DTNB: variants seen among roughly 807,000 people sequenced by gnomAD.
DTNB encodes the protein dystrobrevin beta.
Under a neutral mutation model 90.7 loss-of-function variants are expected in DTNB, and 63 were observed. The observed-to-expected ratio is 0.69, with a 90% confidence interval of 0.57 to 0.86. The LOEUF (loss-of-function observed/expected upper bound fraction) is 0.86. DTNB is among the 40% of genes least tolerant of loss of function. The pLI is 0.00. For missense variants in DTNB, 744 were observed against 807.1 expected, an observed-to-expected ratio of 0.92 and a Z score of 0.95; for synonymous variants, 277 against 286.7, an observed-to-expected ratio of 0.97 and a Z score of 0.34.
intron 16 of DTNB, among the ~76,000 whole-genome samples, chr2:25,413,962 G>A (rs1238242979): frequency 1.3e-5 from 2 of 152,088 alleles, no homozygotes; most frequent in African/African-American, 4.8e-5. Flanking sequence ...ACTTTTTAAT[G>A]ATCGCCATTC....
intron 16 of DTNB, among the ~76,000 whole-genome samples, chr2:25,407,964 G>A (rs553958492): frequency 2.6e-5 from 4 of 152,060 alleles, no homozygotes; most frequent in South Asian, 2.1e-4. Flanking sequence ...GACTGGGCAC[G>A]GTAGCAACAC....
At chr2:25,406,309 T>G (rs2045149762) in intron 16 of DTNB, among the ~76,000 whole-genome samples, 1 of 151,948 alleles carries the variant, frequency 6.6e-6, no homozygotes, top group Non-Finnish European at 1.5e-5. Context: ...GTGGGTAAAG[T>G]TAAGGATGCT....
intron 16 of DTNB, among the ~76,000 whole-genome samples, chr2:25,395,224 C>G (rs1019940501): frequency 2.8e-4 from 42 of 152,036 alleles, no homozygotes; most frequent in African/African-American, 1.0e-3. Context: ...TTTGGGGACT[C>G]GGGGAAAGGG....
At chr2:25,481,411 T>TAAAAA in intron 10 of DTNB, among the ~76,000 whole-genome samples, 1 of 141,808 alleles carries the variant, frequency 7.1e-6, no homozygotes, top group South Asian at 2.3e-4. Flanking sequence ...TCTCCAAATT[T>TAAAAA]AAAAAAAAAA....
chr2:25,593,493 A>G (rs2063951846), intron 6 of DTNB, among the ~76,000 whole-genome samples: 1 of 152,176 alleles, frequency 6.6e-6, no homozygotes, highest in African/African-American at 2.4e-5. Context: ...AGTGATTTCT[A>G]TTTCCCCTGA....
chr2:25,611,018 T>C (rs923699325), intron 4 of DTNB, among the ~76,000 whole-genome samples: 7 of 152,186 alleles, frequency 4.6e-5, no homozygotes, highest in Admixed American at 4.6e-4. Context: ...CCCAGTAACA[T>C]CTATCCTGAC....
intron 9 of DTNB, among the ~76,000 whole-genome samples, chr2:25,502,017 T>C (rs6728820): frequency 0.33 from 49,590 of 151,660 alleles, 9,676 homozygotes; most frequent in African/African-American, 0.54. Flanking sequence ...GAGATGCTGT[T>C]TCTACAAAAA....
intron 16 of DTNB, among the ~76,000 whole-genome samples, chr2:25,401,101 C>T (rs1306900318): frequency 2.0e-5 from 3 of 152,300 alleles, no homozygotes; most frequent in South Asian, 2.1e-4. Context: ...AGGTCACACA[C>T]AAAATCAGTA....
rs182899977 is a variant in DTNB, at chr2:25,562,081, C to T, written c.876+14757G>A. On this transcript the variant is annotated intron_variant, in intron 8 of 20. Coordinates refer to ENST00000406818, the MANE Select transcript of DTNB (RefSeq NM_021907.5). ...CCCATTCCTCCCTCTCCCCAGCCCCCGGAAACTACTAATGTACATTCTGTT... is the reference window on the plus strand; with the variant it reads ...CCCATTCCTCCCTCTCCCCAGCCCCTGGAAACTACTAATGTACATTCTGTT... 7.8e-4 allele frequency among the ~76,000 whole-genome samples: 119 copies of T among 152,306 alleles called. 1 individual carries two copies. The highest frequency in any genetic ancestry group is 2.5e-3 in the African/African-American group (102 of 41,560).
chr2:25,396,731 T>TAAAAAAAAAAAAA (rs35592591), intron 16 of DTNB, among the ~76,000 whole-genome samples: 5 of 87,602 alleles, frequency 5.7e-5, no homozygotes, highest in Non-Finnish European at 1.1e-4. Context: ...TAAAAGGAAC[T>TAAAAAAAAAAAAA]AAAAAAAAAA....
chr2:25,558,281 T>C, intron 8 of DTNB: 1 of 985,414 alleles, frequency 1.0e-6, no homozygotes, highest in Non-Finnish European at 1.2e-6. Flanking sequence ...CAGGCAATAA[T>C]CACTGATAAA....
chr2:25,576,221 GTTTTTTTTTT>G (rs57969480), intron 8 of DTNB, among the ~76,000 whole-genome samples: 6 of 97,544 alleles, frequency 6.2e-5, no homozygotes, highest in African/African-American at 6.8e-5. Flanking sequence ...GAACAGTTTT[GTTTTTTTTTT>G]TTTTTTTTTT....
chr2:25,394,790 A>C (rs1014670803), intron 16 of DTNB, among the ~76,000 whole-genome samples: 3 of 152,260 alleles, frequency 2.0e-5, no homozygotes, highest in Non-Finnish European at 4.4e-5. Context: ...GTGGGAATGT[A>C]AACTAGTACA....
intron 5 of DTNB, 46 bp from the exon 6 acceptor site, chr2:25,596,286 GCTTTTT>G: frequency 6.5e-7 from 1 of 1,533,948 alleles, no homozygotes; most frequent in Non-Finnish European, 8.7e-7. Flanking sequence ...GGAAATATCA[GCTTTTT>G]ATAAATGGCT....
At chr2:25,589,353 T>TTTC (rs1171900304) in intron 6 of DTNB, among the ~76,000 whole-genome samples, 1 of 146,148 alleles carries the variant, frequency 6.8e-6, no homozygotes. Context: ...CTTATTCAGG[T>TTTC]TTCTTTTTCT....
rs184833807 is a variant in DTNB, at chr2:25,457,110, A to G, written c.1080-1616T>C. Among the ~76,000 whole-genome samples, 18 of 152,118 alleles carry G rather than the reference A, an allele frequency of 1.2e-4. No homozygotes were observed. The East Asian group carries it at 3.5e-3, about 29-fold the overall frequency. ...CTGAAACCTCCGCCTCCCAAGTTCAAGTGATTCTCCTGCCTCAGTCTCCTG... is the reference window on the plus strand; with the variant it reads ...CTGAAACCTCCGCCTCCCAAGTTCAGGTGATTCTCCTGCCTCAGTCTCCTG... On this transcript the variant is annotated intron_variant, in intron 10 of 20. Transcript: ENST00000406818.
chr2:25,545,689 T>C (rs2082269424), intron 8 of DTNB, among the ~76,000 whole-genome samples: 1 of 152,222 alleles, frequency 6.6e-6, no homozygotes, highest in Non-Finnish European at 1.5e-5. Flanking sequence ...TGGTACGATC[T>C]TGGCTCACTG....
At position 25,393,775 on chromosome 2, in the gene DTNB, G is replaced by A. The variant is rs1277891440; in HGVS notation, c.1576-5414C>T. Among the ~76,000 whole-genome samples the A allele has an allele frequency of 1.3e-5, 2 of 152,184 alleles. 1 individual carries two copies. The highest frequency in any genetic ancestry group is 2.9e-5 in the Non-Finnish European group (2 of 68,026). On this transcript the variant is annotated intron_variant, in intron 16 of 20. Coordinates refer to ENST00000406818, the MANE Select transcript of DTNB (RefSeq NM_021907.5). Reference sequence around the variant, plus strand: ...ATGAACAAATGGAAACACATCCCATGCTCATGGATGGGTAGAGTCAATATT... The same window carrying A: ...ATGAACAAATGGAAACACATCCCATACTCATGGATGGGTAGAGTCAATATT...
chr2:25,572,530 G>T (rs547582924), intron 8 of DTNB, among the ~76,000 whole-genome samples: 1 of 151,336 alleles, frequency 6.6e-6, no homozygotes, highest in Non-Finnish European at 1.5e-5. Context: ...CGGTGGAGCC[G>T]GAGCAGGAGT....
Sources: allele counts gnomAD v4.1 joint callset (sites outside exome capture counted in the v4.1 genomes callset), GRCh38; gene constraint gnomAD v4.1.1; transcripts MANE v1.5; gene names NCBI Gene and HGNC (gene_info 2026-07-23, HGNC 2026-07-21).